Variants in PCDH11X observed in about 807,000 individuals in gnomAD.
PCDH11X encodes the protein protocadherin-11 X-linked.
A neutral mutation model predicts 53.3 loss-of-function variants in PCDH11X; 18 were observed. The observed-to-expected ratio is 0.34, with a 90% CI of 0.23 to 0.50. The LOEUF (loss-of-function observed/expected upper bound fraction) is 0.50, where lower values mean the gene tolerates loss of function less well. Ranked by LOEUF, PCDH11X falls within the 20% of genes least tolerant of loss-of-function variation. The pLI is 0.98. For missense variants in PCDH11X, 570 were observed against 1,032.4 expected, an observed-to-expected ratio of 0.55 and a Z score of 6.14; for synonymous variants, 279 against 393.3, an observed-to-expected ratio of 0.71 and a Z score of 3.44.
chrX:92,557,288 C>A (rs2075060526), intron 10 of PCDH11X, among the ~76,000 whole-genome samples: 1 of 111,441 alleles, frequency 9.0e-6, no homozygotes, highest in Non-Finnish European at 1.9e-5. Context: ...AAATGGATTT[C>A]TCCTTTCTAT....
intron 6 of PCDH11X, among the ~76,000 whole-genome samples, chrX:92,037,465 G>A (rs748606870): frequency 3.6e-4 from 40 of 111,740 alleles, no homozygotes; most frequent in Non-Finnish European, 7.5e-4. Context: ...ATTACTGATG[G>A]GCATTTGGGT....
intron 6 of PCDH11X, among the ~76,000 whole-genome samples, chrX:92,026,386 A>T (rs1380939098): frequency 9.4e-6 from 1 of 106,042 alleles, no homozygotes; most frequent in Non-Finnish European, 1.9e-5. Flanking sequence ...TTCAACAATC[A>T]TAAATTATTT....
intron 10 of PCDH11X, among the ~76,000 whole-genome samples, chrX:92,502,015 G>A (rs1326071224): frequency 4.5e-5 from 5 of 111,043 alleles, no homozygotes; most frequent in Admixed American, 1.9e-4. Flanking sequence ...AGCAACTTCA[G>A]CAAAGTCTCA....
chrX:92,127,558 C>T (rs2064891176), intron 6 of PCDH11X, among the ~76,000 whole-genome samples: 1 of 99,870 alleles, frequency 1.0e-5, no homozygotes, highest in Non-Finnish European at 2.0e-5. Context: ...CCTCGCCCTG[C>T]CGCCCTGGCT....
chrX:92,613,138 A>G lies in PCDH11X; in HGVS notation c.3368-5126A>G, dbSNP rs753663328. ...TATTGATATCTGAGGTTTTAATCCT[A>G]TCATGAAGTTGTTAGCTGTTTGCTT... On this transcript the variant is annotated intron_variant, in intron 10 of 10. Transcript: ENST00000682573. Among the ~76,000 whole-genome samples, 226 of 109,780 alleles carry G rather than the reference A, an allele frequency of 2.1e-3. 1 individual carries two copies. The Middle Eastern group carries it at 0.024, about 12-fold the overall frequency.
intron 6 of PCDH11X, among the ~76,000 whole-genome samples, chrX:92,020,036 T>C (rs1001983853): frequency 8.9e-6 from 1 of 112,225 alleles, no homozygotes; most frequent in Non-Finnish European, 1.9e-5. Context: ...TGGGAAACCG[T>C]GCTTTTCCAC....
intron 6 of PCDH11X, among the ~76,000 whole-genome samples, chrX:92,134,153 T>A (rs1270606368): frequency 9.0e-6 from 1 of 111,212 alleles, no homozygotes; most frequent in Non-Finnish European, 1.9e-5. Context: ...AACAATAGGG[T>A]AAAGGAAGCA....
intron 6 of PCDH11X, among the ~76,000 whole-genome samples, chrX:91,918,462 T>C (rs1602492226): frequency 9.1e-6 from 1 of 109,461 alleles, no homozygotes; most frequent in Non-Finnish European, 1.9e-5. Flanking sequence ...AGTGTATATG[T>C]GCTAAACCTC....
intron 7 of PCDH11X, among the ~76,000 whole-genome samples, chrX:92,209,056 A>G (rs1234738374): frequency 9.0e-6 from 1 of 111,246 alleles, no homozygotes; most frequent in Non-Finnish European, 1.9e-5. Flanking sequence ...ATCACCTTCT[A>G]CCAGGTCCCT....
chrX:91,872,819 G>C (rs1939398877), intron 5 of PCDH11X, among the ~76,000 whole-genome samples: 1 of 108,541 alleles, frequency 9.2e-6, no homozygotes, highest in Non-Finnish European at 1.9e-5. Flanking sequence ...ATGGCAAAAG[G>C]CTTCAGTTTT....
At chrX:92,101,265 G>A (rs1384342534) in intron 6 of PCDH11X, among the ~76,000 whole-genome samples, 1 of 110,866 alleles carries the variant, frequency 9.0e-6, no homozygotes, top group Non-Finnish European at 1.9e-5. Flanking sequence ...GTTTTTTTTG[G>A]GGCACAGTCT....
At chrX:92,193,281 G>A (rs2066231962) in intron 6 of PCDH11X, among the ~76,000 whole-genome samples, 1 of 111,764 alleles carries the variant, frequency 8.9e-6, no homozygotes, top group African/African-American at 3.3e-5. Flanking sequence ...GTGGGGTGTA[G>A]TAGTGGTGAA....
chrX:92,146,487 C>T (rs191582041), intron 6 of PCDH11X, among the ~76,000 whole-genome samples: 45 of 111,419 alleles, frequency 4.0e-4, no homozygotes, highest in African/African-American at 1.3e-3. Flanking sequence ...CACATCTTTC[C>T]GTTTTCTGCA....
chrX:91,872,669 A>G (rs1190499874), intron 5 of PCDH11X, among the ~76,000 whole-genome samples: 1 of 105,466 alleles, frequency 9.5e-6, no homozygotes, highest in Admixed American at 1.0e-4. Flanking sequence ...AGGGTAGTGC[A>G]GGTCAATTCT....
intron 1 of PCDH11X, among the ~76,000 whole-genome samples, chrX:91,785,725 TAAG>T (rs779050140): frequency 9.2e-6 from 1 of 109,111 alleles, no homozygotes; most frequent in East Asian, 2.9e-4. Context: ...GAAAACTAGG[TAAG>T]ATGTCTTGAT....
At chrX:92,251,730 G>A (rs768237838) in intron 7 of PCDH11X, among the ~76,000 whole-genome samples, 16 of 110,974 alleles carry the variant, frequency 1.4e-4, no homozygotes, top group Non-Finnish European at 2.6e-4. Flanking sequence ...AGTGACGACT[G>A]TAGTATCAAT....
chrX:92,029,646 A>G (rs987407472), intron 6 of PCDH11X, among the ~76,000 whole-genome samples: 1 of 110,755 alleles, frequency 9.0e-6, no homozygotes, highest in African/African-American at 3.3e-5. Flanking sequence ...GGCTTATAGT[A>G]GCATATGCTG....
chrX:92,215,353 A>G (rs746916010), intron 7 of PCDH11X, among the ~76,000 whole-genome samples: 22 of 107,054 alleles, frequency 2.1e-4, no homozygotes, highest in African/African-American at 7.4e-4. Context: ...CCACCCTAAT[A>G]CTGCGCTTTT....
At chrX:92,079,434 T>G (rs1188859936) in intron 6 of PCDH11X, among the ~76,000 whole-genome samples, 1 of 110,888 alleles carries the variant, frequency 9.0e-6, no homozygotes, top group East Asian at 2.9e-4. Flanking sequence ...AAGATAGAGA[T>G]GGCAGGAAAC....
Sources: allele counts gnomAD v4.1 joint callset (sites outside exome capture counted in the v4.1 genomes callset), GRCh38; gene constraint gnomAD v4.1.1; transcripts MANE v1.5; gene names NCBI Gene and HGNC (gene_info 2026-07-23, HGNC 2026-07-21).